BLTP1: variants seen among roughly 807,000 people sequenced by gnomAD.
The protein encoded by BLTP1 is fragile site-associated protein.
At chr4:122,349,488 A>C in the BLTP1 span, 10 of 1,597,596 alleles carry the variant, frequency 6.3e-6, no homozygotes, top group South Asian at 1.1e-4. The surrounding 1 kb of genome is among the most constrained non-coding windows in gnomAD (Gnocchi z 4.5). Context: ...ACCCAGTCAC[A>C]AAATTCAGAT....
chr4:122,163,880 A>G, the BLTP1 span, among the ~76,000 whole-genome samples: 2 of 152,202 alleles, frequency 1.3e-5, no homozygotes, highest in Non-Finnish European at 1.5e-5. Flanking sequence ...CTGTTGTTCC[A>G]TAATAACTGC....
chr4:122,343,675 T>G, the BLTP1 span: 1 of 1,546,366 alleles, frequency 6.5e-7, no homozygotes, highest in Non-Finnish European at 8.8e-7. Context: ...CAAGCTTTAT[T>G]TTCATAAATC....
chr4:122,161,403 G>A, the BLTP1 span, among the ~76,000 whole-genome samples: 7 of 151,526 alleles, frequency 4.6e-5, no homozygotes, highest in Non-Finnish European at 7.4e-5. Context: ...TCTAGAAAAT[G>A]AGAGCCATTT....
the BLTP1 span, chr4:122,354,160 T>TA: frequency 2.9e-6 from 2 of 683,024 alleles, no homozygotes; most frequent in Non-Finnish European, 4.9e-6. Flanking sequence ...ACACAAGTAA[T>TA]AATTATTTAA....
chr4:122,315,342 T>G, the BLTP1 span: 1 of 1,298,226 alleles, frequency 7.7e-7, no homozygotes, highest in Non-Finnish European at 1.1e-6. Flanking sequence ...AGTCTGATGT[T>G]TCTGACAAGT....
chr4:122,241,552 G>A, the BLTP1 span, among the ~76,000 whole-genome samples: 1 of 152,126 alleles, frequency 6.6e-6, no homozygotes, highest in South Asian at 2.1e-4. Context: ...ACCAGGGCTT[G>A]GACTTAAACT....
At chr4:122,339,108 AAT>A in the BLTP1 span, 26 of 1,353,030 alleles carry the variant, frequency 1.9e-5, no homozygotes, top group Non-Finnish European at 2.5e-5. Context: ...GTTTAAAAAA[AAT>A]GTTTCTTAAG....
At chr4:122,228,238 T>C in the BLTP1 span, among the ~76,000 whole-genome samples, 1,038 of 152,308 alleles carry the variant, frequency 6.8e-3, 12 homozygotes, top group African/African-American at 0.024. Context: ...ATAAGTTTCA[T>C]TGAGGCATAA....
At chr4:122,344,050 A>G in the BLTP1 span, 1 of 940,158 alleles carries the variant, frequency 1.1e-6, no homozygotes, top group South Asian at 4.9e-5. Context: ...AAGAGCAGAT[A>G]AAACACTGCA....
chr4:122,272,406 G>A, the BLTP1 span: 1 of 1,608,056 alleles, frequency 6.2e-7, no homozygotes, highest in Non-Finnish European at 8.5e-7. Flanking sequence ...AAAATGAAAG[G>A]TATGAATGAT....
At chr4:122,226,183 G>GTT in the BLTP1 span, 5 of 143,440 alleles carry the variant, frequency 3.5e-5, no homozygotes, top group Admixed American at 7.1e-5. Flanking sequence ...CAATTAGGGT[G>GTT]TTTTTTTTTT....
chr4:122,268,963 G>A, the BLTP1 span: 1 of 208,442 alleles, frequency 4.8e-6, no homozygotes. Context: ...TTCACAGTAA[G>A]TCTTTGTTAC....
chr4:122,351,322 G>C, the BLTP1 span: 1 of 555,868 alleles, frequency 1.8e-6, no homozygotes. Flanking sequence ...GAACACCTTA[G>C]AGCATACACC....
At chr4:122,342,243 C>A in the BLTP1 span, among the ~76,000 whole-genome samples, 1 of 152,068 alleles carries the variant, frequency 6.6e-6, no homozygotes, top group Admixed American at 6.6e-5. Flanking sequence ...CTTTATATGC[C>A]TGAGATATAG....
At chr4:122,234,249 C>G in the BLTP1 span, 3 of 498,110 alleles carry the variant, frequency 6.0e-6, no homozygotes, top group African/African-American at 2.1e-5. Context: ...TTATTTTTCT[C>G]TAAAATATGG....
chr4:122,299,058 A>T, the BLTP1 span: 1 of 984,606 alleles, frequency 1.0e-6, no homozygotes, highest in Non-Finnish European at 1.2e-6. Context: ...GCTAGGATCC[A>T]CATATATATG....
the BLTP1 span, chr4:122,333,564 TG>T: frequency 6.7e-7 from 1 of 1,484,470 alleles, no homozygotes; most frequent in Non-Finnish European, 8.9e-7. Flanking sequence ...GCGAAAAGTT[TG>T]CTTTTAAACA....
the BLTP1 span, chr4:122,318,343 C>T: frequency 1.7e-6 from 2 of 1,164,460 alleles, no homozygotes; most frequent in East Asian, 2.4e-5. Flanking sequence ...TACTGCGTAC[C>T]AGGTACCATC....
the BLTP1 span, among the ~76,000 whole-genome samples, chr4:122,322,534 C>A: frequency 7.2e-5 from 11 of 152,134 alleles, no homozygotes; most frequent in East Asian, 2.1e-3. Flanking sequence ...CTTGTTCTGT[C>A]TCTTTAGATT....
Sources: gnomAD v4.1 joint callset for allele counts (sites outside exome capture counted in the v4.1 genomes callset) on GRCh38, gnomAD v4.1.1 for gene constraint, Gnocchi (gnomAD v3.1) non-coding constraint, MANE v1.5 for transcripts, NCBI Gene and HGNC (gene_info 2026-07-23, HGNC 2026-07-21) for gene names.